CSNK1G3: variants seen among roughly 807,000 people sequenced by gnomAD.
CSNK1G3 encodes the protein casein kinase 1 gamma 3.
CSNK1G3 carries 23 observed loss-of-function variants against 64.3 expected under a neutral mutation model. The ratio of observed to expected loss-of-function variants is 0.36; its 90% CI spans 0.26 to 0.51. The LOEUF is 0.51. CSNK1G3 is among the 20% of genes least tolerant of loss of function. CSNK1G3 has a pLI of 0.96. For missense variants in CSNK1G3, 357 were observed against 510.5 expected, an observed-to-expected ratio of 0.70 and a Z score of 2.90; for synonymous variants, 158 against 162.2, an observed-to-expected ratio of 0.97 and a Z score of 0.20.
At chr5:123,541,697 G>A (rs1007130205) in intron 1 of CSNK1G3, among the ~76,000 whole-genome samples, 3 of 152,154 alleles carry the variant, frequency 2.0e-5, no homozygotes, top group African/African-American at 7.2e-5. Context: ...CTCCCAAAGT[G>A]CTGGGATTAC....
At chr5:123,556,864 G>A (rs1419751722) in intron 3 of CSNK1G3, among the ~76,000 whole-genome samples, 1 of 151,796 alleles carries the variant, frequency 6.6e-6, no homozygotes, top group Admixed American at 6.6e-5. Flanking sequence ...AGCATATACT[G>A]TATAATATCA....
At chr5:123,574,325 C>T (rs538702737) in intron 5 of CSNK1G3, among the ~76,000 whole-genome samples, 1 of 152,194 alleles carries the variant, frequency 6.6e-6, no homozygotes, top group East Asian at 1.9e-4. Flanking sequence ...CTGCAGAAGT[C>T]TTAAAATTGT....
At chr5:123,582,420 T>G (rs1790475488) in intron 6 of CSNK1G3, among the ~76,000 whole-genome samples, 1 of 152,158 alleles carries the variant, frequency 6.6e-6, no homozygotes, top group Non-Finnish European at 1.5e-5. Flanking sequence ...TACAAATAAC[T>G]GTTTTCAGTG....
intron 4 of CSNK1G3, among the ~76,000 whole-genome samples, chr5:123,566,875 G>C (rs1471092900): frequency 5.9e-5 from 9 of 152,058 alleles, no homozygotes; most frequent in African/African-American, 1.9e-4. Context: ...AATCACCAGT[G>C]CTTCCAGTAA....
intron 1 of CSNK1G3, among the ~76,000 whole-genome samples, chr5:123,519,546 C>T (rs1777738630): frequency 6.6e-6 from 1 of 151,968 alleles, no homozygotes; most frequent in South Asian, 2.1e-4. Flanking sequence ...GCTTTCCTTC[C>T]TCACCATGAA....
intron 5 of CSNK1G3, among the ~76,000 whole-genome samples, chr5:123,574,539 G>T (rs553155126): frequency 2.0e-5 from 3 of 152,122 alleles, no homozygotes; most frequent in African/African-American, 7.2e-5. Flanking sequence ...TGTTTTATAG[G>T]CTAGGTGTGG....
At chr5:123,596,140 C>A (rs370161643) in intron 10 of CSNK1G3, among the ~76,000 whole-genome samples, 2 of 151,820 alleles carry the variant, frequency 1.3e-5, no homozygotes, top group South Asian at 4.2e-4. Context: ...TGAGCCCTCA[C>A]GTTTTTCTCA....
exon 2 of CSNK1G3, chr5:123,545,661 G>T (rs181108291): frequency 4.2e-5 from 68 of 1,610,844 alleles, no homozygotes; most frequent in Non-Finnish European, 5.6e-5. Flanking sequence ...CCGCAAACTT[G>T]ATATGGAAAA....
At chr5:123,557,425 TA>T in intron 3 of CSNK1G3, 69 bp from the exon 4 acceptor site, 2 of 1,176,036 alleles carry the variant, frequency 1.7e-6, no homozygotes, top group Admixed American at 2.1e-5. Flanking sequence ...CCAAAATTTA[TA>T]ACATTTGTGT....
intron 1 of CSNK1G3, among the ~76,000 whole-genome samples, chr5:123,525,948 AGATC>A: frequency 6.6e-6 from 1 of 151,586 alleles, no homozygotes; most frequent in South Asian, 2.1e-4. Context: ...CAGTGAGCCA[AGATC>A]GCACCACTGC....
intron 1 of CSNK1G3, among the ~76,000 whole-genome samples, chr5:123,538,018 C>A (rs1781116215): frequency 6.6e-6 from 1 of 152,154 alleles, no homozygotes; most frequent in Admixed American, 6.6e-5. Context: ...GCAGTTCGTT[C>A]CTTTTTAATG....
intron 6 of CSNK1G3, among the ~76,000 whole-genome samples, chr5:123,582,208 T>G (rs1790434084): frequency 6.6e-6 from 1 of 152,058 alleles, no homozygotes; most frequent in Non-Finnish European, 1.5e-5. Flanking sequence ...GAAAAATAAA[T>G]AATGTTGAGA....
At chr5:123,545,530 C>G (rs1782385640) in exon 2 of CSNK1G3, 4 of 638,092 alleles carry the variant, frequency 6.3e-6, no homozygotes, top group Non-Finnish European at 7.7e-6. Context: ...AGTTAATTGA[C>G]TACCTACTGC....
rs537326046 is a variant in CSNK1G3 at position 123,605,247 on chromosome 5, GA to G, written c.1194-87del. ...ACATTGCTTGGAAAAAATTAAGCAT[GA>G]AAAACAATGTGATAATTTCAATGTG... is the stretch of plus-strand genomic sequence containing the variant. On this transcript the variant is annotated intron_variant, in intron 11 of 12. Transcript: ENST00000345990. 4.4e-4 allele frequency: 522 copies of G among 1,181,974 alleles called. 1 individual carries two copies. In the African/African-American group the frequency reaches 6.8e-3, roughly 16 times the overall value. The allele number at this position is 1,181,974 out of a possible 1,614,324, so 73.2% of individuals were successfully genotyped here. A position where few individuals can be genotyped will look rare whatever the true frequency, so the allele number is the denominator to read the frequency against.
chr5:123,540,890 A>G (rs187003880), intron 1 of CSNK1G3, among the ~76,000 whole-genome samples: 21 of 152,290 alleles, frequency 1.4e-4, no homozygotes, highest in African/African-American at 5.1e-4. Flanking sequence ...TGGCCTCCCA[A>G]TGTGCTGGAA....
chr5:123,566,440 G>T (rs1480722762), intron 4 of CSNK1G3, among the ~76,000 whole-genome samples: 2 of 152,122 alleles, frequency 1.3e-5, no homozygotes, highest in Non-Finnish European at 2.9e-5. Flanking sequence ...CACTGGAATG[G>T]GTGGAGTAAG....
chr5:123,594,769 A>G (rs1191807287), intron 10 of CSNK1G3, among the ~76,000 whole-genome samples: 1 of 152,086 alleles, frequency 6.6e-6, no homozygotes, highest in Non-Finnish European at 1.5e-5. Context: ...TTATAAAGCT[A>G]GAGGGTAGAG....
intron 1 of CSNK1G3, among the ~76,000 whole-genome samples, chr5:123,519,882 A>C (rs565351962): frequency 6.6e-6 from 1 of 152,354 alleles, no homozygotes; most frequent in Admixed American, 6.5e-5. Context: ...TTAGGAGGCC[A>C]TAATAATCTT....
At chr5:123,521,096 A>G (rs933969979) in intron 1 of CSNK1G3, among the ~76,000 whole-genome samples, 4 of 152,116 alleles carry the variant, frequency 2.6e-5, no homozygotes, top group South Asian at 4.1e-4. Context: ...AAAATAGTCT[A>G]GTATTGTTTT....
Sources: allele counts gnomAD v4.1 joint callset (sites outside exome capture counted in the v4.1 genomes callset), GRCh38; gene constraint gnomAD v4.1.1; transcripts MANE v1.5; gene names NCBI Gene and HGNC (gene_info 2026-07-23, HGNC 2026-07-21).